Variants in NAALADL2 observed in about 807,000 individuals in gnomAD.
NAALADL2 encodes the protein inactive N-acetylated-alpha-linked acidic dipeptidase-like protein 2.
NAALADL2 carries 76 observed loss-of-function variants against 87.2 expected under a neutral mutation model. The ratio of observed to expected loss-of-function variants is 0.87; its 90% confidence interval spans 0.72 to 1.05. The LOEUF (loss-of-function observed/expected upper bound fraction) is 1.05, where lower values mean the gene tolerates loss of function less well. NAALADL2 is among the 50% of genes least tolerant of loss of function. The probability of loss-of-function intolerance (pLI) is 0.00; values close to 1 mark genes in which losing one functional copy is unlikely to be tolerated. For synonymous variants in NAALADL2, 354 were observed against 331.0 expected (o/e 1.07, Z -0.75); for missense variants, 1,089 against 945.8 (o/e 1.15, Z -1.99).
chr3:175,482,500 C>G (rs1726627161), intron 9 of NAALADL2, among the ~76,000 whole-genome samples: 1 of 151,890 alleles, frequency 6.6e-6, no homozygotes, highest in African/African-American at 2.4e-5. Context: ...CTTCCAGCTC[C>G]CTTTGAGAAA....
At chr3:175,521,898 A>T (rs1732708596) in intron 9 of NAALADL2, among the ~76,000 whole-genome samples, 1 of 152,212 alleles carries the variant, frequency 6.6e-6, no homozygotes, top group Non-Finnish European at 1.5e-5. Context: ...TAGGAAATAA[A>T]TACGGAAGAA....
At chr3:175,771,905 A>G (rs1338896907) in intron 13 of NAALADL2, among the ~76,000 whole-genome samples, 2 of 152,176 alleles carry the variant, frequency 1.3e-5, no homozygotes, top group Non-Finnish European at 2.9e-5. Context: ...AGCACCCAGC[A>G]AAAGAGGGAA....
intron 1 of NAALADL2, among the ~76,000 whole-genome samples, chr3:175,026,053 C>T (rs751958177): frequency 2.6e-5 from 4 of 152,090 alleles, no homozygotes; most frequent in African/African-American, 9.7e-5. Flanking sequence ...TCAAACCATA[C>T]ACTTGCCTTG....
intron 3 of NAALADL2, among the ~76,000 whole-genome samples, chr3:174,768,666 A>C (rs1241253176): frequency 1.3e-5 from 2 of 152,188 alleles, no homozygotes; most frequent in African/African-American, 4.8e-5. Flanking sequence ...CAGATTATAA[A>C]ATATGGTTAA....
intron 2 of NAALADL2, among the ~76,000 whole-genome samples, chr3:175,103,201 G>C (rs1722534589): frequency 6.6e-6 from 1 of 151,860 alleles, no homozygotes; most frequent in African/African-American, 2.4e-5. Context: ...TCAGATATAG[G>C]CATATTTTAG....
At chr3:175,460,283 T>C in intron 6 of NAALADL2, 1 of 436,642 alleles carries the variant, frequency 2.3e-6, no homozygotes, top group South Asian at 1.6e-5. Flanking sequence ...TCTATGCATA[T>C]TTATTTTCAG....
At chr3:175,719,223 A>C (rs567842875) in intron 11 of NAALADL2, among the ~76,000 whole-genome samples, 1 of 106,980 alleles carries the variant, frequency 9.3e-6, no homozygotes, top group Non-Finnish European at 2.3e-5. Flanking sequence ...GGGGGTTACA[A>C]AAAAAAAAAA....
At chr3:175,639,546 T>G (rs9847175) in intron 11 of NAALADL2, among the ~76,000 whole-genome samples, 5,227 of 152,106 alleles carry the variant, frequency 0.034, 153 homozygotes, top group African/African-American at 0.082. Flanking sequence ...GGTCTTGATC[T>G]CCTGACCTCG....
chr3:175,578,559 A>G (rs1331508370), intron 10 of NAALADL2, among the ~76,000 whole-genome samples: 3 of 152,224 alleles, frequency 2.0e-5, no homozygotes, highest in African/African-American at 7.2e-5. Context: ...AAACATCACT[A>G]TAAATTAGCT....
intron 3 of NAALADL2, among the ~76,000 whole-genome samples, chr3:174,786,861 C>T (rs960131107): frequency 1.3e-5 from 2 of 151,968 alleles, no homozygotes; most frequent in Non-Finnish European, 2.9e-5. Flanking sequence ...ATTAAATTGT[C>T]GTCTTCTCCT....
Position 174,544,567 on chromosome 3 carries a change from CTTTTTTTTTT to C in NAALADL2, c.-183-5993_-183-5984del, listed in dbSNP as rs10575227. On this transcript the variant is annotated intron_variant, in intron 1 of 3. Transcript: ENST00000434257. ...TCTTTGTTTCCTTTTTTTTTGTTTT[CTTTTTTTTTT>C]TTTTTTTTGAGACAGAGTCTCACTC... 2.6e-5 allele frequency among the ~76,000 whole-genome samples: 3 copies of C among 115,168 alleles called. No individual in the cohort carries two copies. In the East Asian group the frequency reaches 8.0e-4, roughly 31 times the overall value. The allele number at this position is 115,168 out of a possible 152,430, so 75.6% of individuals were successfully genotyped here.
At chr3:174,932,210 C>T (rs1200717688) in intron 1 of NAALADL2, among the ~76,000 whole-genome samples, 1 of 152,100 alleles carries the variant, frequency 6.6e-6, no homozygotes, top group African/African-American at 2.4e-5. Context: ...GGAGTTGCTG[C>T]ATTACCAGCT....
chr3:174,995,557 C>A (rs565778104), intron 1 of NAALADL2, among the ~76,000 whole-genome samples: 2 of 152,214 alleles, frequency 1.3e-5, no homozygotes, highest in East Asian at 3.9e-4. Context: ...AGACCCCATA[C>A]TTTCATCACA....
At chr3:175,606,976 A>G (rs1421653542) in intron 10 of NAALADL2, among the ~76,000 whole-genome samples, 3 of 152,172 alleles carry the variant, frequency 2.0e-5, no homozygotes, top group Non-Finnish European at 4.4e-5. Context: ...AATATCTTTT[A>G]TACCACACCA....
chr3:174,630,178 A>T, intron 2 of NAALADL2, among the ~76,000 whole-genome samples: 1 of 152,278 alleles, frequency 6.6e-6, no homozygotes, highest in Middle Eastern at 3.4e-3. Flanking sequence ...ATACAATATT[A>T]TTTAATAACA....
chr3:175,111,022 T>G (rs1430040653), intron 2 of NAALADL2, among the ~76,000 whole-genome samples: 1 of 151,616 alleles, frequency 6.6e-6, no homozygotes, highest in Non-Finnish European at 1.5e-5. Context: ...AGAAAATTCT[T>G]AGAAGAAGGG....
chr3:174,845,133 C>T (rs1317613355), intron 3 of NAALADL2, among the ~76,000 whole-genome samples: 1 of 152,164 alleles, frequency 6.6e-6, no homozygotes, highest in Admixed American at 6.5e-5. Context: ...GGTCAATATA[C>T]CTAAGCACTG....
At chr3:175,182,772 A>T (rs1736784452) in intron 2 of NAALADL2, among the ~76,000 whole-genome samples, 1 of 151,350 alleles carries the variant, frequency 6.6e-6, no homozygotes. Flanking sequence ...TGCTTTTGTT[A>T]CCTGAACTTT....
chr3:174,670,023 G>T (rs942797744), intron 2 of NAALADL2, among the ~76,000 whole-genome samples: 14 of 151,746 alleles, frequency 9.2e-5, no homozygotes, highest in African/African-American at 3.1e-4. Flanking sequence ...GTATTTTATT[G>T]ATTTATTTTT....
Sources: allele counts gnomAD v4.1 joint callset (sites outside exome capture counted in the v4.1 genomes callset), GRCh38; gene constraint gnomAD v4.1.1; transcripts MANE v1.5; gene names NCBI Gene and HGNC (gene_info 2026-07-23, HGNC 2026-07-21).